Variants in SERINC5 observed in about 807,000 individuals in gnomAD.
SERINC5 encodes the protein serine incorporator 5, also known as chromosome 5 open reading frame 12.
SERINC5 carries 41 observed loss-of-function variants against 63.1 expected under a neutral mutation model. That is an observed-to-expected ratio of 0.65 (90% confidence interval 0.51 to 0.84). The LOEUF is 0.84. Among genes scored for constraint, SERINC5 ranks in the 40% least tolerant of loss-of-function variants. The probability of loss-of-function intolerance (pLI) is 0.00; values close to 1 mark genes in which losing one functional copy is unlikely to be tolerated. For missense variants in SERINC5, 523 were observed against 573.0 expected (o/e 0.91, Z 0.89); for synonymous variants, 222 against 215.2 (o/e 1.03, Z -0.28).
chr5:80,202,645 A>G (rs1413253543), intron 2 of SERINC5, among the ~76,000 whole-genome samples: 1 of 151,358 alleles, frequency 6.6e-6, no homozygotes, highest in Non-Finnish European at 1.5e-5. Flanking sequence ...AGAATTCTCC[A>G]CCAAAAGCAT....
rs537893061 is a variant in SERINC5, at chr5:80,190,310, G to A, written c.196-12246C>T. ...GTATTTTTTGTAGAGACGGGGTTTC[G>A]TCATGTTGCCCAGGCTGGTCTCGAA... is the stretch of plus-strand genomic sequence containing the variant. On this transcript the variant is annotated intron_variant, in intron 2 of 11. Transcript: ENST00000507668. 2.7e-3 allele frequency among the ~76,000 whole-genome samples: 409 copies of A among 151,262 alleles called. 1 individual carries two copies. Among genetic ancestry groups the A allele is most frequent in the African/African-American group, 9.3e-3 (382 of 41,254 alleles).
intron 1 of SERINC5, among the ~76,000 whole-genome samples, chr5:80,248,230 T>G (rs577910938): frequency 6.6e-6 from 1 of 152,206 alleles, no homozygotes. Context: ...CAAACTCTTA[T>G]GACACTATGC....
intron 1 of SERINC5, among the ~76,000 whole-genome samples, chr5:80,232,505 G>A (rs1445490919): frequency 6.6e-6 from 1 of 151,626 alleles, no homozygotes; most frequent in Non-Finnish European, 1.5e-5. Context: ...TGAAGTACTG[G>A]CCAGGCACAG....
At chr5:80,163,093 G>A (rs2112361705) in intron 7 of SERINC5, among the ~76,000 whole-genome samples, 1 of 151,466 alleles carries the variant, frequency 6.6e-6, no homozygotes, top group Middle Eastern at 3.4e-3. Context: ...GACCTCAAAT[G>A]ATCCACCCAC....
intron 11 of SERINC5, among the ~76,000 whole-genome samples, chr5:80,121,185 C>T (rs1744530053): frequency 6.6e-6 from 1 of 152,140 alleles, no homozygotes; most frequent in Non-Finnish European, 1.5e-5. Context: ...ACGCACCCAG[C>T]CAAGAAAGGA....
Position 80,241,810 on chromosome 5 carries a change from G to A in SERINC5, c.27+14086C>T, listed in dbSNP as rs144885237. On this transcript the variant is annotated intron_variant, in intron 1 of 11. Transcript: ENST00000507668. ...ATGAGTAATTACATTAAATGTAAAT[G>A]ATCCAAGCATCCAATTAAATGACAA... Among the ~76,000 whole-genome samples the A allele has an allele frequency of 3.9e-3, 597 of 152,150 alleles. 5 individuals are homozygous for A. Among genetic ancestry groups the A allele is most frequent in the African/African-American group, 0.014 (569 of 41,514 alleles).
At chr5:80,245,965 T>TAA (rs57108110) in intron 1 of SERINC5, among the ~76,000 whole-genome samples, 25 of 115,950 alleles carry the variant, frequency 2.2e-4, no homozygotes, top group East Asian at 5.4e-4. Flanking sequence ...GTCAGCTCTT[T>TAA]AAAAAAAAAA....
chr5:80,244,926 C>T (rs1752105706), intron 1 of SERINC5, among the ~76,000 whole-genome samples: 2 of 152,296 alleles, frequency 1.3e-5, no homozygotes, highest in Non-Finnish European at 1.5e-5. Flanking sequence ...TGGGCTCAAG[C>T]GATCCTCCCA....
chr5:80,164,910 GTTTT>G (rs70982026), intron 7 of SERINC5, among the ~76,000 whole-genome samples: 4 of 85,188 alleles, frequency 4.7e-5, no homozygotes, highest in Admixed American at 3.5e-4. Flanking sequence ...CTTTTTTTCT[GTTTT>G]TTTTTTTTTT....
intron 7 of SERINC5, among the ~76,000 whole-genome samples, chr5:80,162,635 A>T (rs1747016282): frequency 6.6e-6 from 1 of 152,220 alleles, no homozygotes; most frequent in Non-Finnish European, 1.5e-5. Context: ...TGGCCTCCCA[A>T]AGTGCTGGGA....
At chr5:80,238,160 C>T (rs1199095355) in intron 1 of SERINC5, among the ~76,000 whole-genome samples, 1 of 151,530 alleles carries the variant, frequency 6.6e-6, no homozygotes, top group African/African-American at 2.4e-5. Context: ...CGTGGCAACC[C>T]TCATTCCTCC....
At chr5:80,217,395 C>A (rs1021654536) in intron 1 of SERINC5, among the ~76,000 whole-genome samples, 1 of 152,122 alleles carries the variant, frequency 6.6e-6, no homozygotes, top group African/African-American at 2.4e-5. Flanking sequence ...CAAACCCTGC[C>A]AAGCCACGGA....
chr5:80,170,881 C>T (rs1041254432), intron 5 of SERINC5, among the ~76,000 whole-genome samples: 1 of 152,156 alleles, frequency 6.6e-6, no homozygotes, highest in African/African-American at 2.4e-5. Context: ...GTGGTGCAAA[C>T]TTGTAGTCCC....
intron 11 of SERINC5, among the ~76,000 whole-genome samples, chr5:80,124,058 A>G (rs879903304): frequency 3.9e-5 from 6 of 152,176 alleles, no homozygotes; most frequent in Non-Finnish European, 8.8e-5. Context: ...TAGATATCAA[A>G]ATAGAACCCT....
At chr5:80,154,105 T>C (rs1266150523) in intron 8 of SERINC5, among the ~76,000 whole-genome samples, 1 of 152,188 alleles carries the variant, frequency 6.6e-6, no homozygotes, top group Admixed American at 6.5e-5. Flanking sequence ...CATGCTCCCC[T>C]GTGCTATAGA....
intron 6 of SERINC5, chr5:80,167,126 T>G (rs1747350649): frequency 6.6e-6 from 1 of 152,336 alleles, no homozygotes; most frequent in Non-Finnish European, 1.5e-5. Context: ...TGTGCAGGTT[T>G]GTTGTAAGGG....
chr5:80,211,807 G>A (rs776922257), intron 1 of SERINC5, among the ~76,000 whole-genome samples: 17 of 152,292 alleles, frequency 1.1e-4, no homozygotes, highest in African/African-American at 2.4e-4. Flanking sequence ...TCATATTCAC[G>A]ACAATGGCCC....
chr5:80,242,866 T>C (rs568882867), intron 1 of SERINC5, among the ~76,000 whole-genome samples: 1 of 152,346 alleles, frequency 6.6e-6, no homozygotes, highest in Admixed American at 6.5e-5. Flanking sequence ...GTGGTTGCAG[T>C]GAGCCAAGAT....
chr5:80,156,101 T>C (rs1338941476), intron 8 of SERINC5, among the ~76,000 whole-genome samples: 1 of 152,156 alleles, frequency 6.6e-6, no homozygotes, highest in African/African-American at 2.4e-5. Context: ...TCTACAACTT[T>C]ACAAGAGTGG....
Sources: allele counts gnomAD v4.1 joint callset (sites outside exome capture counted in the v4.1 genomes callset), GRCh38; gene constraint gnomAD v4.1.1; transcripts MANE v1.5; gene names NCBI Gene and HGNC (gene_info 2026-07-23, HGNC 2026-07-21).